The following FZD3 variants were observed in gnomAD, a reference collection of about 807,000 sequenced individuals.
FZD3 encodes the protein frizzled class receptor 3, also known as frizzled-3.
FZD3 carries 30 observed loss-of-function variants against 60.7 expected under a neutral mutation model. That is an observed-to-expected ratio of 0.49 (90% CI 0.37 to 0.67). FZD3 has a LOEUF of 0.67. FZD3 is among the 30% of genes least tolerant of loss of function. The probability of loss-of-function intolerance (pLI) is 0.00; values close to 1 mark genes in which losing one functional copy is unlikely to be tolerated. For missense variants in FZD3, 605 were observed against 838.7 expected (o/e 0.72, Z 3.44); for synonymous variants, 246 against 275.2 (o/e 0.89, Z 1.05).
At chr8:28,504,449 T>C (rs1011657735) in intron 3 of FZD3, among the ~76,000 whole-genome samples, 9 of 152,232 alleles carry the variant, frequency 5.9e-5, no homozygotes, top group African/African-American at 2.2e-4. Flanking sequence ...GAAACATTTT[T>C]ATTTCTGGTA....
intron 3 of FZD3, among the ~76,000 whole-genome samples, chr8:28,509,950 G>A (rs1192816372): frequency 6.6e-6 from 1 of 152,188 alleles, no homozygotes; most frequent in East Asian, 1.9e-4. Context: ...TTTGTAGTCA[G>A]AAGTGGAATT....
intron 5 of FZD3, among the ~76,000 whole-genome samples, chr8:28,528,560 G>A (rs1324172549): frequency 2.6e-5 from 4 of 152,018 alleles, no homozygotes; most frequent in African/African-American, 7.2e-5. Flanking sequence ...GTAACAAGAT[G>A]CAAGTATAAA....
At chr8:28,509,732 G>A (rs781490783) in intron 3 of FZD3, among the ~76,000 whole-genome samples, 10 of 152,204 alleles carry the variant, frequency 6.6e-5, no homozygotes, top group Non-Finnish European at 1.2e-4. Context: ...TTAGCATAAC[G>A]TCCTCAAGGT....
At chr8:28,511,410 G>A (rs1398107689) in intron 3 of FZD3, among the ~76,000 whole-genome samples, 2 of 152,144 alleles carry the variant, frequency 1.3e-5, no homozygotes, top group South Asian at 2.1e-4. Flanking sequence ...AGCTTGAACC[G>A]GGAGGCGGAG....
At chr8:28,534,540 G>A (rs1031037158) in intron 5 of FZD3, among the ~76,000 whole-genome samples, 2 of 152,052 alleles carry the variant, frequency 1.3e-5, no homozygotes, top group Non-Finnish European at 2.9e-5. Context: ...GTGACAGAGC[G>A]AGACCCTATC....
In FZD3 at chr8:28,562,804, G is replaced by A. The variant is rs182719657; in HGVS notation, c.1794G>A (p.Thr598=). Residue 598 remains threonine, a synonymous_variant, in exon 8 of 8, where the codon ACG becomes ACA. Transcript: ENST00000240093. ...SLHRSRDGRY[T]PCSYRGMEER... ...AAATAAACTCTCATGACAGGTACAC[G>A]CCCTGCAGTTACAGAGGAATGGAGG... 1.8e-5 allele frequency: 28 copies of A among 1,596,738 alleles called. No homozygotes were observed. Among genetic ancestry groups the A allele is most frequent in the African/African-American group, 5.4e-5 (4 of 74,564 alleles).
rs113825764 is a variant in FZD3 at position 28,535,992 on chromosome 8, T to C, written c.1404+7828T>C. On this transcript the variant is annotated intron_variant, in intron 5 of 7. Coordinates refer to ENST00000240093, the MANE Select transcript of FZD3 (RefSeq NM_017412.4). ...ATGACTTGTTGCTACCATTCCTTCA[T>C]GTAAAATGCAGAAAATAATATGTTA... 9.2e-3 allele frequency among the ~76,000 whole-genome samples: 1,402 copies of C among 152,308 alleles called. 25 individuals are homozygous for C. The highest frequency in any genetic ancestry group is 0.032 in the African/African-American group (1,315 of 41,580).
intron 3 of FZD3, among the ~76,000 whole-genome samples, chr8:28,519,802 A>G (rs188734033): frequency 5.3e-5 from 8 of 151,530 alleles, no homozygotes; most frequent in Non-Finnish European, 8.8e-5. Context: ...CAATGCCTAA[A>G]TTACTACTAT....
At chr8:28,537,309 G>T (rs1043516703) in intron 5 of FZD3, among the ~76,000 whole-genome samples, 3 of 152,088 alleles carry the variant, frequency 2.0e-5, no homozygotes, top group African/African-American at 7.2e-5. Context: ...TATTATTCTG[G>T]CCTCTGTTAA....
intron 5 of FZD3, among the ~76,000 whole-genome samples, chr8:28,545,467 A>AAAGAG (rs1407157757): frequency 6.6e-6 from 1 of 152,104 alleles, no homozygotes; most frequent in African/African-American, 2.4e-5. Context: ...AGGGAAACAG[A>AAAGAG]AAGAGAGAAA....
chr8:28,515,464 T>G (rs1284246568), intron 3 of FZD3, among the ~76,000 whole-genome samples: 1 of 152,120 alleles, frequency 6.6e-6, no homozygotes, highest in Non-Finnish European at 1.5e-5. Flanking sequence ...TGACTTATGG[T>G]TTTATATGTT....
chr8:28,527,168 A>G lies in FZD3; in HGVS notation c.408A>G (p.Pro136=), dbSNP rs1193700961. Residue 136 remains proline (P), a synonymous_variant, in exon 5 of 8, where the codon CCA becomes CCG. Transcript: ENST00000240093. The surrounding 1 kb of genome is among the most constrained non-coding windows in gnomAD (Gnocchi z 5.0). ...TTAGGTTCCCAGATTGTGATGAGCC[A>G]TATCCTCGACTTGTGGATCTGAATT... ...ECSRFPDCDE[P]YPRLVDLNLA... is the part of the protein sequence containing the mutation. 4 of 1,612,170 alleles carry G rather than the reference A, an allele frequency of 2.5e-6. No individual in the cohort carries two copies. In the East Asian group the frequency reaches 8.9e-5, roughly 36 times the overall value.
At chr8:28,495,203 T>C (rs1156884888) in intron 1 of FZD3, among the ~76,000 whole-genome samples, 1 of 152,178 alleles carries the variant, frequency 6.6e-6, no homozygotes, top group Non-Finnish European at 1.5e-5. Flanking sequence ...CTTGGCTTTG[T>C]TTTTAAGAAC....
chr8:28,546,128 G>A (rs1046912639), intron 5 of FZD3, among the ~76,000 whole-genome samples: 2 of 152,164 alleles, frequency 1.3e-5, no homozygotes, highest in Admixed American at 6.5e-5. Flanking sequence ...TGATATTCGC[G>A]CAATGACAAA....
rs137960831 is a variant in FZD3 at position 28,494,961 on chromosome 8, C to T, written c.-391+618C>T. 2.0e-3 allele frequency among the ~76,000 whole-genome samples: 303 copies of T among 152,330 alleles called. 3 individuals carry two copies. Among genetic ancestry groups the T allele is most frequent in the African/African-American group, 6.9e-3 (286 of 41,578 alleles). ...CATCAGTTTGCAAAGTCCTTGCTCC[C>T]TTCCGCGAGCTTCCCCCGGCTGCCT... On this transcript the variant is annotated intron_variant, in intron 1 of 7. Coordinates refer to ENST00000240093, the MANE Select transcript of FZD3 (RefSeq NM_017412.4).
Position 28,527,182 on chromosome 8 carries a change from T to A in FZD3, c.422T>A (p.Val141Glu), listed in dbSNP as rs1427693533. 6.2e-7 allele frequency: 1 copy of A among 1,613,138 alleles called. No homozygotes were observed. The highest frequency in any genetic ancestry group is 1.3e-5 in the African/African-American group (1 of 74,876). The change falls in exon 5 of 8, where the codon GTG (valine) becomes GAG (glutamate). Residue 141 changes from valine to glutamate, a missense_variant. Transcript: ENST00000240093. This position sits in a 1 kb window ranked among gnomAD's most constrained non-coding sequence, Gnocchi z 5.0. ...TGTGATGAGCCATATCCTCGACTTG[T>A]GGATCTGAATTTAGCTGGAGAACCA... ...PDCDEPYPRL[V>E]DLNLAGEPTE... is the part of the protein sequence containing the mutation.
At chr8:28,497,515 C>G (rs114011519) in intron 1 of FZD3, among the ~76,000 whole-genome samples, 1 of 152,110 alleles carries the variant, frequency 6.6e-6, no homozygotes, top group East Asian at 1.9e-4. Flanking sequence ...TTCTTGAAAA[C>G]GTGTCTGAAA....
intron 5 of FZD3, among the ~76,000 whole-genome samples, chr8:28,538,672 C>G (rs945520354): frequency 6.6e-6 from 1 of 152,042 alleles, no homozygotes; most frequent in East Asian, 1.9e-4. Flanking sequence ...AGGCTAGTCA[C>G]TAAGTTTATA....
intron 7 of FZD3, among the ~76,000 whole-genome samples, chr8:28,559,206 A>C (rs997354415): frequency 5.9e-5 from 9 of 152,194 alleles, no homozygotes; most frequent in African/African-American, 1.9e-4. Flanking sequence ...TACAATCATC[A>C]ATATAAGGTA....
Sources: allele counts gnomAD v4.1 joint callset (sites outside exome capture counted in the v4.1 genomes callset), GRCh38; gene constraint gnomAD v4.1.1; non-coding constraint Gnocchi (gnomAD v3.1); transcripts MANE v1.5; gene names NCBI Gene and HGNC (gene_info 2026-07-23, HGNC 2026-07-21).